IDH3G: variants seen among roughly 807,000 people sequenced by gnomAD.
The protein encoded by IDH3G is isocitrate dehydrogenase (NAD(+)) 3 non-catalytic subunit gamma.
In IDH3G, 9 loss-of-function variants were observed where a neutral mutation model predicts 26.9. The ratio of observed to expected loss-of-function variants is 0.34; its 90% CI spans 0.20 to 0.58. IDH3G has a LOEUF of 0.58. IDH3G is among the 20% of genes least tolerant of loss of function. The pLI is 0.85. For missense variants in IDH3G, 250 were observed against 372.8 expected, an observed-to-expected ratio of 0.67 and a Z score of 2.71; for synonymous variants, 181 against 160.0, an observed-to-expected ratio of 1.13 and a Z score of -0.99.
In IDH3G at chrX:153,789,859, A is replaced by AC. The variant is rs200839053; in HGVS notation, c.234-36dup. Reference sequence around the variant, plus strand: ...GGCAGGGTCAGGGAGGCTGGCCCAGACCCCCCCGCACCTCCTCCAGGAAGC... The same window carrying AC: ...GGCAGGGTCAGGGAGGCTGGCCCAGACCCCCCCCGCACCTCCTCCAGGAAGC... On this transcript the variant is annotated intron_variant, in intron 4 of 12. Coordinates refer to ENST00000217901, the MANE Select transcript of IDH3G (RefSeq NM_004135.4). 3,773 of 899,066 alleles carry AC rather than the reference A, an allele frequency of 4.2e-3. 53 individuals are homozygous for AC. In the African/African-American group the frequency reaches 0.047, roughly 11 times the overall value. 74.1% of individuals were successfully genotyped at this position (899,066 alleles called of 1,213,427 possible).
At chrX:153,792,842 T>C (rs782744452) in intron 1 of IDH3G, among the ~76,000 whole-genome samples, 68 of 112,095 alleles carry the variant, frequency 6.1e-4, no homozygotes, top group African/African-American at 2.1e-3. Flanking sequence ...AAGCCACCAA[T>C]CAAAGGAGCC....
chrX:153,793,557 A>G (rs1426580548), intron 1 of IDH3G: 3 of 112,370 alleles, frequency 2.7e-5, no homozygotes, highest in Non-Finnish European at 5.6e-5. Flanking sequence ...CTAGAGGTCA[A>G]ACCTCTTACC....
intron 4 of IDH3G, 56 bp from the exon 5 acceptor site, chrX:153,789,880 GA>G (rs1398921245): frequency 3.9e-5 from 32 of 814,198 alleles, no homozygotes; most frequent in Non-Finnish European, 5.3e-5. Flanking sequence ...CCTCCTCCAG[GA>G]AGCCTGCCCA....
rs111532346 is a variant in IDH3G, at chrX:153,786,695, C to T, written c.924+106G>A. 356 of 966,322 alleles carry T rather than the reference C, an allele frequency of 3.7e-4. 1 individual carries two copies. In the African/African-American group the frequency reaches 5.9e-3, roughly 16 times the overall value. 79.6% of individuals were successfully genotyped at this position (966,322 alleles called of 1,213,427 possible). A position where few individuals can be genotyped will look rare whatever the true frequency, so the allele number is the denominator to read the frequency against. Reference sequence around the variant, plus strand: ...ACAACCCTGGATATCCAAAAAACTACTAAATCATGCATTTTGAACGGGCTA... The same window carrying T: ...ACAACCCTGGATATCCAAAAAACTATTAAATCATGCATTTTGAACGGGCTA... On this transcript the variant is annotated intron_variant, in intron 10 of 12. Transcript: ENST00000217901.
In IDH3G at chrX:153,790,208, T is replaced by C. The variant is rs2092104159; in HGVS notation, c.220A>G (p.Lys74Glu). The C allele has an allele frequency of 8.3e-7, 1 of 1,206,645 alleles. No homozygotes were observed. The change falls in exon 4 of 13, where the codon AAG (lysine) becomes GAG (glutamate). Residue 74 changes from lysine (K) to glutamate (E), a missense_variant. Lys to Glu is a moderately conservative substitution (Grantham distance 56, BLOSUM62 1). This residue lies in a region of IDH3G where 201 missense variants were observed against 331.3 expected (regional missense o/e 0.61). Coordinates refer to ENST00000217901, the MANE Select transcript of IDH3G (RefSeq NM_004135.4). ...GIGPELMLHV[K>E]SVFRHACVPV... The stretch of plus-strand genomic sequence containing the variant: ...GGAGCTCCATACCTGAAGACGGACT[T>C]GACATGCAGCATGAGCTCTGGCCCG...
At position 153,786,436 on chromosome X, in the gene IDH3G, G is replaced by A; in HGVS notation, c.938C>T (p.Thr313Ile). 1 of 1,188,308 alleles carries A rather than the reference G, an allele frequency of 8.4e-7. No homozygotes were observed. Among genetic ancestry groups the A allele is most frequent in the Non-Finnish European group, 1.1e-6 (1 of 881,932 alleles). Residue 313 changes from threonine to isoleucine, a missense_variant, in exon 11 of 13, where the codon ACC (threonine) becomes ATC (isoleucine). Physicochemically the swap from Thr to Ile is moderately conservative, Grantham distance 89. Transcript: ENST00000217901. ...GTTCTTATTGGCGATACTCTTGCCG[G>A]TGTTCCTCGTAGCCTGGGGAGGCAA... ...YAVFETATRN[T>I]GKSIANKNIA... is the part of the protein sequence containing the mutation.
rs2092095363 is a variant in IDH3G at position 153,787,862 on chromosome X, C to T, written c.501G>A (p.Arg167=). Residue 167 remains arginine (R), a synonymous_variant, in exon 7 of 13, where the codon CGG becomes CGA. Transcript: ENST00000217901. Reference sequence around the variant, plus strand: ...TGCTGTACTCGCCCTCTGTGTTCTCCCGGACAATGAGGATGTCTATGTCCT... The same window carrying T: ...TGCTGTACTCGCCCTCTGTGTTCTCTCGGACAATGAGGATGTCTATGTCCT... The part of the protein sequence containing the change: ...RHKDIDILIV[R]ENTEGEYSSL... 8.3e-7 allele frequency: 1 copy of T among 1,209,775 alleles called. No homozygotes were observed.
chrX:153,790,115 CT>C, intron 4 of IDH3G, 79 bp downstream of exon 4: 1 of 831,079 alleles, frequency 1.2e-6, no homozygotes, highest in Non-Finnish European at 1.8e-6. Context: ...CCGAGTGCTT[CT>C]GGGCGCAATG....
intron 12 of IDH3G, 93 bp downstream of exon 12, chrX:153,786,119 C>A: frequency 8.4e-7 from 1 of 1,196,956 alleles, no homozygotes; most frequent in Non-Finnish European, 1.1e-6. Context: ...CCATCCTCCC[C>A]TGGGGGCTGT....
At chrX:153,788,981 T>C (rs1277631823) in intron 5 of IDH3G, 7 of 277,888 alleles carry the variant, frequency 2.5e-5, no homozygotes, top group African/African-American at 2.0e-4. Flanking sequence ...CTGTGATACC[T>C]GGTTTGTGAA....
chrX:153,793,603 A>G (rs2092118860), intron 1 of IDH3G: 1 of 112,224 alleles, frequency 8.9e-6, no homozygotes, highest in Non-Finnish European at 1.9e-5. Flanking sequence ...GCTGCTTCAG[A>G]TGGTTTCCAG....
intron 1 of IDH3G, among the ~76,000 whole-genome samples, chrX:153,791,638 G>A (rs953986656): frequency 9.8e-5 from 11 of 112,623 alleles, no homozygotes; most frequent in African/African-American, 2.6e-4. Context: ...CACCTGAGAC[G>A]GTGGCAGAGC....
chrX:153,791,604 C>CT (rs1247269319), intron 1 of IDH3G, among the ~76,000 whole-genome samples: 1 of 112,784 alleles, frequency 8.9e-6, no homozygotes, highest in African/African-American at 3.2e-5. Context: ...ACCTGCTGTC[C>CT]TGGAAGAAGC....
At chrX:153,787,695 TCTGC>T (rs2092094602) in intron 7 of IDH3G, 98 bp from the exon 8 acceptor site, 5 of 1,132,599 alleles carry the variant, frequency 4.4e-6, no homozygotes, top group Non-Finnish European at 6.0e-6. Context: ...AGCAACCCTG[TCTGC>T]CTATTTCTGG....
chrX:153,790,561 C>CA lies in IDH3G; in HGVS notation c.135+2dup, dbSNP rs781985688. The CA allele has an allele frequency of 1.7e-6, 2 of 1,209,022 alleles. No homozygotes were observed. The highest frequency in any genetic ancestry group is 1.8e-5 in the South Asian group (1 of 56,784). On this transcript the variant is annotated splice_region_variant and intron_variant, in intron 3 of 12. Transcript: ENST00000217901. ...AACCTAACAGGCAGAGAAGAATACT[C>CA]ACAATTGTTTGTTCCTAGAAAGGAT...
chrX:153,787,322 G>A, intron 8 of IDH3G, 142 bp downstream of exon 8: 1 of 840,340 alleles, frequency 1.2e-6, no homozygotes. Context: ...GTTCTGGCAA[G>A]GCCTCGAGGG....
In IDH3G at chrX:153,785,883, C is replaced by T. The variant is rs1557068984; in HGVS notation, c.1171G>A (p.Val391Met). Reference protein sequence around the residue: ...RHIRVINGRAVEA With the variant: ...RHIRVINGRAMEA ...GTCCTAGGGCCAGCCTAGGCCTCCA[C>T]GGCCCGGCCGTTGATGACGCGGATG... Residue 391 changes from valine to methionine, a missense_variant, in exon 13 of 13, where the codon GTG becomes ATG. Around this residue, in one of 2 missense-constraint regions of IDH3G, gnomAD observed 201 missense variants for 331.3 expected, o/e 0.61. Transcript: ENST00000217901. The T allele has an allele frequency of 8.3e-7, 1 of 1,210,970 alleles. No individual in the cohort carries two copies. Among genetic ancestry groups the T allele is most frequent in the Non-Finnish European group, 1.1e-6 (1 of 895,337 alleles).
At position 153,786,093 on chromosome X, in the gene IDH3G, G is replaced by T. The variant is rs1357166261; in HGVS notation, c.1080+119C>A. The T allele has an allele frequency of 4.2e-6, 5 of 1,197,707 alleles. No homozygotes were observed. In the Admixed American group the frequency reaches 1.1e-4, roughly 27 times the overall value. On this transcript the variant is annotated intron_variant, in intron 12 of 12. Transcript: ENST00000217901. ...TGGCACCAGCTAAGGGCCAGAAGATGGGGCCAGATCCAGTACCATCCTCCC... is the reference window on the plus strand; with the variant it reads ...TGGCACCAGCTAAGGGCCAGAAGATTGGGCCAGATCCAGTACCATCCTCCC...
At chrX:153,787,421 G>A (rs782286769) in intron 8 of IDH3G, 43 bp downstream of exon 8, 36 of 1,186,151 alleles carry the variant, frequency 3.0e-5, no homozygotes, top group Non-Finnish European at 3.5e-5. Flanking sequence ...GCAGGCCACT[G>A]CAGCTGCTTC....
Sources: gnomAD v4.1 joint callset for allele counts (sites outside exome capture counted in the v4.1 genomes callset) on GRCh38, gnomAD v4.1.1 for gene constraint, gnomAD v4.1.1 regional missense constraint, MANE v1.5 for transcripts, NCBI Gene and HGNC (gene_info 2026-07-23, HGNC 2026-07-21) for gene names.